Variants in ESRRG observed in about 807,000 individuals in gnomAD.
The protein encoded by ESRRG is estrogen-related receptor gamma.
Under a neutral mutation model 44.0 loss-of-function variants are expected in ESRRG, and 13 were observed. That is an observed-to-expected ratio of 0.30 (90% CI 0.19 to 0.47). The LOEUF (loss-of-function observed/expected upper bound fraction) is 0.47, where lower values mean the gene tolerates loss of function less well. Among genes scored for constraint, ESRRG ranks in the 20% least tolerant of loss-of-function variants. The probability of loss-of-function intolerance (pLI) is 1.00; values close to 1 mark genes in which losing one functional copy is unlikely to be tolerated. For synonymous variants in ESRRG, 215 were observed against 214.6 expected (o/e 1.00, Z -0.02); for missense variants, 395 against 580.6 (o/e 0.68, Z 3.29).
chr1:217,061,852 T>C lies in ESRRG; in HGVS notation c.-106+27655A>G, dbSNP rs544937683. On this transcript the variant is annotated intron_variant, in intron 1 of 7. Coordinates refer to the ESRRG transcript ENST00000359162. ...ATTATGCAATTAAACAATCCACTAA[T>C]GATAAATATGTCATCTATGTGCTTT... Among the ~76,000 whole-genome samples, 4 of 152,274 alleles carry C rather than the reference T, an allele frequency of 2.6e-5. No individual in the cohort carries two copies. The East Asian group carries it at 7.7e-4, about 29-fold the overall frequency.
chr1:217,040,833 C>T (rs928056616), intron 1 of ESRRG, among the ~76,000 whole-genome samples: 5 of 152,096 alleles, frequency 3.3e-5, no homozygotes, highest in Non-Finnish European at 4.4e-5. Flanking sequence ...GCACAGTGGA[C>T]CTCAGTAGAT....
intron 1 of ESRRG, among the ~76,000 whole-genome samples, chr1:217,011,267 C>T (rs1261279416): frequency 1.3e-5 from 2 of 152,192 alleles, no homozygotes; most frequent in East Asian, 1.9e-4. Context: ...CCTGTTTCTC[C>T]TGATTTTAGG....
intron 5 of ESRRG, among the ~76,000 whole-genome samples, chr1:216,540,485 T>C (rs544357432): frequency 8.1e-4 from 124 of 152,154 alleles, no homozygotes; most frequent in Non-Finnish European, 1.2e-3. Context: ...TCATTAAATG[T>C]ACCAACTCAC....
chr1:216,755,196 C>A (rs796106981), intron 2 of ESRRG, among the ~76,000 whole-genome samples: 53 of 151,694 alleles, frequency 3.5e-4, no homozygotes, highest in African/African-American at 4.6e-4. Context: ...TTCAAAGCAG[C>A]AAACTGGTGA....
chr1:216,606,582 C>T (rs944497670), intron 3 of ESRRG, among the ~76,000 whole-genome samples: 1 of 152,000 alleles, frequency 6.6e-6, no homozygotes, highest in South Asian at 2.1e-4. Context: ...ACAAGATGAC[C>T]CTCAGCACTC....
chr1:217,133,237 T>C (rs2092990444), intron 1 of ESRRG, among the ~76,000 whole-genome samples: 1 of 152,264 alleles, frequency 6.6e-6, no homozygotes, highest in African/African-American at 2.4e-5. Flanking sequence ...AGCTCCCGAA[T>C]TTTAAGATCC....
chr1:217,096,634 A>G (rs2092428333), intron 1 of ESRRG, among the ~76,000 whole-genome samples: 1 of 107,566 alleles, frequency 9.3e-6, no homozygotes, highest in African/African-American at 4.1e-5. Context: ...TTAAAAAGCC[A>G]TTTCCTTGAT....
At chr1:216,719,432 C>T (rs371964369) in intron 1 of ESRRG, among the ~76,000 whole-genome samples, 1 of 151,858 alleles carries the variant, frequency 6.6e-6, no homozygotes, top group African/African-American at 2.4e-5. Flanking sequence ...TAAAATACCT[C>T]AAAGATATAA....
At chr1:217,106,750 C>G (rs1016935679) in intron 1 of ESRRG, among the ~76,000 whole-genome samples, 1 of 152,168 alleles carries the variant, frequency 6.6e-6, no homozygotes, top group Non-Finnish European at 1.5e-5. Flanking sequence ...AACCCTATCT[C>G]CAGCCTCTCT....
chr1:216,738,202 C>A (rs958788563), intron 2 of ESRRG, among the ~76,000 whole-genome samples: 8 of 151,816 alleles, frequency 5.3e-5, no homozygotes, highest in African/African-American at 1.9e-4. Flanking sequence ...AAACTGCAGC[C>A]AACATTAAAA....
In ESRRG at chr1:216,991,475, A is replaced by G. The variant is rs141243348; in HGVS notation, c.-105-51802T>C. Among the ~76,000 whole-genome samples, 1,075 of 152,324 alleles carry G rather than the reference A, an allele frequency of 7.1e-3. 8 individuals carry two copies. Among genetic ancestry groups the G allele is most frequent in the African/African-American group, 0.023 (951 of 41,560 alleles). ...ACTCTGGGCCAAGCACTGGATGAACAGACGAACAAGATAAAGTGTCCACTC... is the reference window on the plus strand; with the variant it reads ...ACTCTGGGCCAAGCACTGGATGAACGGACGAACAAGATAAAGTGTCCACTC... On this transcript the variant is annotated intron_variant, in intron 1 of 7. Coordinates refer to the ESRRG transcript ENST00000359162.
intron 3 of ESRRG, among the ~76,000 whole-genome samples, chr1:216,573,881 G>A (rs1305274574): frequency 6.6e-6 from 1 of 151,832 alleles, no homozygotes; most frequent in Non-Finnish European, 1.5e-5. Flanking sequence ...AACCATTTTA[G>A]CAGAAACAAA....
At chr1:216,573,043 C>CTAA (rs1223448895) in intron 3 of ESRRG, among the ~76,000 whole-genome samples, 3 of 151,850 alleles carry the variant, frequency 2.0e-5, no homozygotes, top group Non-Finnish European at 4.4e-5. Flanking sequence ...CTAACTACCA[C>CTAA]TAATTTATAG....
intron 2 of ESRRG, among the ~76,000 whole-genome samples, chr1:216,917,704 C>T (rs1373619942): frequency 1.3e-5 from 2 of 152,186 alleles, no homozygotes; most frequent in African/African-American, 2.4e-5. Flanking sequence ...CAGAACCTGG[C>T]ATTGTGTGTT....
At chr1:216,690,513 T>C (rs12131737) in intron 1 of ESRRG, among the ~76,000 whole-genome samples, 2 of 152,008 alleles carry the variant, frequency 1.3e-5, no homozygotes, top group Non-Finnish European at 2.9e-5. Context: ...GAGAGGAACA[T>C]AGGGAAGCTG....
At chr1:216,981,248 ATAATTTGTCTCTTCAAC>A (rs2073917020) in intron 1 of ESRRG, among the ~76,000 whole-genome samples, 1 of 152,330 alleles carries the variant, frequency 6.6e-6, no homozygotes, top group South Asian at 2.1e-4. Flanking sequence ...ATGAAAAACT[ATAATTTGTCTCTTCAAC>A]TAATTTGTCC....
chr1:217,031,125 T>G (rs1286306577), intron 1 of ESRRG, among the ~76,000 whole-genome samples: 1 of 152,236 alleles, frequency 6.6e-6, no homozygotes, highest in Non-Finnish European at 1.5e-5. Context: ...AAAATAGTTT[T>G]TACATTTTCT....
At chr1:216,630,475 C>A (rs866671504) in intron 3 of ESRRG, among the ~76,000 whole-genome samples, 2 of 144,390 alleles carry the variant, frequency 1.4e-5, no homozygotes, top group South Asian at 2.1e-4. Context: ...CACACACACA[C>A]AATTAAATCT....
At chr1:216,539,296 CAT>C (rs144235155) in intron 5 of ESRRG, among the ~76,000 whole-genome samples, 2 of 150,224 alleles carry the variant, frequency 1.3e-5, no homozygotes, top group Non-Finnish European at 1.5e-5. Context: ...GAAGAATTTT[CAT>C]ATATATATAT....
Sources: gnomAD v4.1 joint callset for allele counts (sites outside exome capture counted in the v4.1 genomes callset) on GRCh38, gnomAD v4.1.1 for gene constraint, MANE v1.5 for transcripts, NCBI Gene and HGNC (gene_info 2026-07-23, HGNC 2026-07-21) for gene names.